Variants in PTPRK observed in about 807,000 individuals in gnomAD.
PTPRK encodes protein tyrosine phosphatase receptor type K, also known as receptor-type tyrosine-protein phosphatase kappa.
PTPRK carries 75 observed loss-of-function variants against 178.0 expected under a neutral mutation model. The ratio of observed to expected loss-of-function variants is 0.42; its 90% CI spans 0.35 to 0.51. The LOEUF (loss-of-function observed/expected upper bound fraction) is 0.51. PTPRK is among the 20% of genes least tolerant of loss of function. The pLI is 0.02. For synonymous variants in PTPRK, 637 were observed against 620.6 expected (o/e 1.03, Z -0.39); for missense variants, 1,441 against 1,797.8 (o/e 0.80, Z 3.59).
At chr6:128,180,999 G>A (rs969169480) in intron 7 of PTPRK, among the ~76,000 whole-genome samples, 1 of 151,984 alleles carries the variant, frequency 6.6e-6, no homozygotes, top group African/African-American at 2.4e-5. Flanking sequence ...TTTGTTTCCT[G>A]AGTCTTAAAT....
At chr6:128,338,526 A>G (rs1831238752) in intron 2 of PTPRK, among the ~76,000 whole-genome samples, 1 of 152,182 alleles carries the variant, frequency 6.6e-6, no homozygotes, top group African/African-American at 2.4e-5. Flanking sequence ...AAAAACAACC[A>G]GAAAAAAGTA....
At chr6:128,247,066 A>G (rs1815597891) in intron 3 of PTPRK, among the ~76,000 whole-genome samples, 1 of 152,158 alleles carries the variant, frequency 6.6e-6, no homozygotes, top group African/African-American at 2.4e-5. Flanking sequence ...ATCACGTGTA[A>G]CCCAAGCAAG....
At chr6:128,303,819 G>A (rs571065088) in intron 3 of PTPRK, among the ~76,000 whole-genome samples, 1 of 152,128 alleles carries the variant, frequency 6.6e-6, no homozygotes, top group East Asian at 1.9e-4. Flanking sequence ...AGAATTTAAA[G>A]AGCATACAAT....
chr6:128,511,833 T>C (rs532097983), intron 1 of PTPRK, among the ~76,000 whole-genome samples: 1 of 152,312 alleles, frequency 6.6e-6, no homozygotes, highest in Non-Finnish European at 1.5e-5. Context: ...CTCGAGGCCT[T>C]AGTTTGTAAA....
intron 6 of PTPRK, among the ~76,000 whole-genome samples, chr6:128,190,717 T>C (rs1344585121): frequency 6.6e-6 from 1 of 152,066 alleles, no homozygotes; most frequent in African/African-American, 2.4e-5. Flanking sequence ...CAGGCTGGTC[T>C]GAAACTCCAG....
At chr6:128,199,852 T>C (rs959429130) in intron 6 of PTPRK, among the ~76,000 whole-genome samples, 7 of 152,190 alleles carry the variant, frequency 4.6e-5, no homozygotes, top group Non-Finnish European at 1.5e-5. Flanking sequence ...TTTTGACTTC[T>C]AAAGCAAGAG....
intron 1 of PTPRK, among the ~76,000 whole-genome samples, chr6:128,398,172 C>A (rs1387218795): frequency 6.6e-6 from 1 of 152,192 alleles, no homozygotes; most frequent in African/African-American, 2.4e-5. Flanking sequence ...AGTACGGAAT[C>A]TTCTCAGGTC....
intron 3 of PTPRK, among the ~76,000 whole-genome samples, chr6:128,271,842 A>G (rs1020655598): frequency 6.6e-6 from 1 of 151,948 alleles, no homozygotes; most frequent in African/African-American, 2.4e-5. Flanking sequence ...AAGAGTTGGA[A>G]CAAGAGTTTT....
intron 1 of PTPRK, among the ~76,000 whole-genome samples, chr6:128,406,769 C>T (rs545306700): frequency 1.3e-5 from 2 of 152,262 alleles, no homozygotes; most frequent in South Asian, 4.1e-4. Context: ...AATGCTGAAA[C>T]CTGAATCACA....
intron 13 of PTPRK, among the ~76,000 whole-genome samples, chr6:128,052,691 C>T (rs796218206): frequency 2.6e-5 from 4 of 152,318 alleles, no homozygotes; most frequent in African/African-American, 9.6e-5. Context: ...TAGGCTCTTC[C>T]AATGTGAGGT....
chr6:128,264,424 C>T (rs942843313), intron 3 of PTPRK, among the ~76,000 whole-genome samples: 53 of 152,038 alleles, frequency 3.5e-4, no homozygotes, highest in African/African-American at 1.2e-3. Flanking sequence ...ATACATAAGT[C>T]GTCATCATTA....
chr6:128,072,943 T>C (rs1783089932), intron 11 of PTPRK, among the ~76,000 whole-genome samples: 1 of 152,068 alleles, frequency 6.6e-6, no homozygotes, highest in Non-Finnish European at 1.5e-5. Flanking sequence ...ATAAATGGTA[T>C]TCTCAAAAAC....
intron 13 of PTPRK, among the ~76,000 whole-genome samples, chr6:128,048,787 A>T (rs989938805): frequency 3.9e-5 from 6 of 152,172 alleles, no homozygotes; most frequent in African/African-American, 7.2e-5. Flanking sequence ...CATATCAGGG[A>T]CTTGAGCATA....
chr6:128,090,565 A>AT (rs143925627), intron 7 of PTPRK, among the ~76,000 whole-genome samples: 2,891 of 152,306 alleles, frequency 0.019, 84 homozygotes, highest in African/African-American at 0.064. Context: ...AGATATTCAC[A>AT]TTGTCTTCTT....
At chr6:128,002,269 T>C (rs958032360) in intron 15 of PTPRK, among the ~76,000 whole-genome samples, 6 of 151,782 alleles carry the variant, frequency 4.0e-5, no homozygotes, top group African/African-American at 1.4e-4. Flanking sequence ...GCATAAAATA[T>C]AAGTTAAAGT....
At position 128,109,324 on chromosome 6, in the gene PTPRK, C is replaced by T. The variant is rs1372751093; in HGVS notation, c.1163-19332G>A. On this transcript the variant is annotated intron_variant, in intron 7 of 29. Transcript: ENST00000368226. ...TTGTTACATTATTAATGGCTCACAC[C>T]TGCACAAGGATTGTTCTGATACAGT... Among the ~76,000 whole-genome samples the T allele has an allele frequency of 3.3e-5, 5 of 152,092 alleles. No homozygotes were observed. The East Asian group carries it at 9.6e-4, about 29-fold the overall frequency.
chr6:127,975,558 G>T (rs1333332931), intron 27 of PTPRK, among the ~76,000 whole-genome samples: 1 of 152,104 alleles, frequency 6.6e-6, no homozygotes, highest in Non-Finnish European at 1.5e-5. Context: ...CACAGAGCTG[G>T]TGCTTTAAAA....
chr6:128,263,079 G>A (rs548910415), intron 3 of PTPRK, among the ~76,000 whole-genome samples: 1 of 152,104 alleles, frequency 6.6e-6, no homozygotes, highest in South Asian at 2.1e-4. Context: ...GAAGGGAAGC[G>A]AGTGCTCACC....
intron 3 of PTPRK, among the ~76,000 whole-genome samples, chr6:128,271,642 A>G (rs1172281028): frequency 1.3e-5 from 2 of 152,000 alleles, no homozygotes; most frequent in Non-Finnish European, 2.9e-5. Flanking sequence ...TTCTCAATCA[A>G]AGTTTAAAGC....
Sources: allele counts gnomAD v4.1 joint callset (sites outside exome capture counted in the v4.1 genomes callset), GRCh38; gene constraint gnomAD v4.1.1; transcripts MANE v1.5; gene names NCBI Gene and HGNC (gene_info 2026-07-23, HGNC 2026-07-21).